Variants in MAP3K2 observed in about 807,000 individuals in gnomAD.
The protein encoded by MAP3K2 is MAP/ERK kinase kinase 2.
A neutral mutation model predicts 80.3 loss-of-function variants in MAP3K2; 24 were observed. The observed-to-expected ratio is 0.30, with a 90% CI of 0.22 to 0.42. The LOEUF is 0.42. Ranked by LOEUF, MAP3K2 falls within the 10% of genes least tolerant of loss-of-function variation. MAP3K2 has a pLI of 1.00. For missense variants in MAP3K2, 608 were observed against 750.1 expected, an observed-to-expected ratio of 0.81 and a Z score of 2.21; for synonymous variants, 244 against 253.7, an observed-to-expected ratio of 0.96 and a Z score of 0.36.
Position 127,322,742 on chromosome 2 carries a change from C to T in MAP3K2, c.839-490G>A, listed in dbSNP as rs1374709754. On this transcript the variant is annotated intron_variant, in intron 11 of 16. Coordinates refer to ENST00000682094, the MANE Select transcript of MAP3K2 (RefSeq NM_001371910.2). The surrounding 1 kb of genome is among the most constrained non-coding windows in gnomAD (Gnocchi z 4.2). The stretch of plus-strand genomic sequence containing the variant: ...CCAAGTAGCTGGGATTACAGGCGCC[C>T]ACCACCATGCCCAGCTAATTTTTTG... 6.6e-6 allele frequency among the ~76,000 whole-genome samples: 1 copy of T among 151,674 alleles called. No individual in the cohort carries two copies. The highest frequency in any genetic ancestry group is 1.5e-5 in the Non-Finnish European group (1 of 67,896).
At chr2:127,314,011 T>A (rs559783346) in intron 15 of MAP3K2, among the ~76,000 whole-genome samples, 2 of 152,282 alleles carry the variant, frequency 1.3e-5, no homozygotes, top group East Asian at 3.9e-4. Context: ...ATGTCTAAAT[T>A]TGGGGCCACA....
Position 127,307,759 on chromosome 2 carries a change from A to G in MAP3K2, c.1680T>C (p.Pro560=), listed in dbSNP as rs56350877. 2.1e-5 allele frequency: 33 copies of G among 1,596,722 alleles called. No homozygotes were observed. The East Asian group carries it at 7.0e-4, about 34-fold the overall frequency. ...TVVEMLTEKP[P]WAEFEAMAAI... ...CAGCCATTGCTTCAAATTCAGCCCA[A>G]GGCGGCTTTTCAGTTAGCATTTCTA... Residue 560 remains proline (P), a synonymous_variant, in exon 17 of 17, where the codon CCT becomes CCC. Coordinates refer to ENST00000682094, the MANE Select transcript of MAP3K2 (RefSeq NM_001371910.2). The surrounding 1 kb of genome is among the most constrained non-coding windows in gnomAD (Gnocchi z 5.4).
At chr2:127,309,175 C>A (rs974722422) in intron 15 of MAP3K2, among the ~76,000 whole-genome samples, 8 of 152,184 alleles carry the variant, frequency 5.3e-5, no homozygotes, top group Non-Finnish European at 1.2e-4. Context: ...TTCTCAGAAA[C>A]TTCCTTAGGG....
chr2:127,386,808 G>T (rs1687358973), intron 1 of MAP3K2, among the ~76,000 whole-genome samples: 1 of 152,102 alleles, frequency 6.6e-6, no homozygotes, highest in Non-Finnish European at 1.5e-5. Flanking sequence ...TTTTCTAAAC[G>T]TATTTATTTT....
intron 1 of MAP3K2, among the ~76,000 whole-genome samples, chr2:127,351,039 A>G (rs972631985): frequency 2.0e-5 from 3 of 152,208 alleles, no homozygotes; most frequent in Admixed American, 2.0e-4. Flanking sequence ...CTAAGAATTA[A>G]CTGCTCTGTA....
At chr2:127,381,157 G>A (rs898595984) in intron 1 of MAP3K2, among the ~76,000 whole-genome samples, 1 of 152,116 alleles carries the variant, frequency 6.6e-6, no homozygotes, top group Non-Finnish European at 1.5e-5. Flanking sequence ...ACACAGCCCA[G>A]CTCAAAAATT....
intron 1 of MAP3K2, among the ~76,000 whole-genome samples, chr2:127,357,006 A>C (rs1366266881): frequency 6.6e-6 from 1 of 152,222 alleles, no homozygotes; most frequent in Non-Finnish European, 1.5e-5. Context: ...AGAATCTACA[A>C]GGAATTCAGA....
At chr2:127,342,079 G>C (rs1189994636) in intron 2 of MAP3K2, among the ~76,000 whole-genome samples, 1 of 152,178 alleles carries the variant, frequency 6.6e-6, no homozygotes, top group Non-Finnish European at 1.5e-5. Context: ...CTATAGAGCA[G>C]TATTATTTGA....
intron 2 of MAP3K2, among the ~76,000 whole-genome samples, chr2:127,340,862 G>C (rs561911210): frequency 6.6e-6 from 1 of 152,004 alleles, no homozygotes; most frequent in African/African-American, 2.4e-5. Context: ...ATTTTTATTA[G>C]AAGAAACCTA....
rs1304480081 is a variant in MAP3K2, at chr2:127,364,062, C to G, written c.-65-20868G>C. Among the ~76,000 whole-genome samples, 1 of 152,166 alleles carries G rather than the reference C, an allele frequency of 6.6e-6. No individual in the cohort carries two copies. Among genetic ancestry groups the G allele is most frequent in the East Asian group, 1.9e-4 (1 of 5,200 alleles). On this transcript the variant is annotated intron_variant, in intron 1 of 16. Transcript: ENST00000682094. The surrounding 1 kb of genome is among the most constrained non-coding windows in gnomAD (Gnocchi z 4.1). ...TTAAATAAATTGCAAATTTGACTCT[C>G]CTTACAACCATAACATAATATAGCA... is the stretch of plus-strand genomic sequence containing the variant.
intron 1 of MAP3K2, among the ~76,000 whole-genome samples, chr2:127,384,469 G>C (rs942038753): frequency 2.0e-5 from 3 of 152,038 alleles, no homozygotes; most frequent in African/African-American, 7.3e-5. Flanking sequence ...ATTCATGGGA[G>C]GAGGTCAAAA....
intron 1 of MAP3K2, among the ~76,000 whole-genome samples, chr2:127,384,577 G>A (rs1235840251): frequency 6.6e-6 from 1 of 152,174 alleles, no homozygotes; most frequent in Non-Finnish European, 1.5e-5. Context: ...CTGTAGATGT[G>A]ACGGAAAGAG....
intron 4 of MAP3K2, among the ~76,000 whole-genome samples, chr2:127,336,477 A>G (rs17015199): frequency 0.38 from 57,250 of 152,022 alleles, 11,500 homozygotes; most frequent in East Asian, 0.62. Context: ...TTTTCTTTCT[A>G]CTTCCCAAAG....
At chr2:127,374,238 G>T (rs749141670) in intron 1 of MAP3K2, among the ~76,000 whole-genome samples, 1 of 152,058 alleles carries the variant, frequency 6.6e-6, no homozygotes, top group Non-Finnish European at 1.5e-5. Flanking sequence ...ACTTTGAGAC[G>T]GCCTTCATTA....
intron 4 of MAP3K2, among the ~76,000 whole-genome samples, chr2:127,337,262 A>C (rs1267054434): frequency 6.6e-6 from 1 of 152,160 alleles, no homozygotes; most frequent in African/African-American, 2.4e-5. Context: ...CTAGGTTTAC[A>C]TCTCTGCTAA....
At chr2:127,341,011 A>G (rs1329880019) in intron 2 of MAP3K2, among the ~76,000 whole-genome samples, 1 of 151,906 alleles carries the variant, frequency 6.6e-6, no homozygotes, top group East Asian at 1.9e-4. Context: ...GCAAGGGGAG[A>G]TGGATTCTCG....
chr2:127,313,529 G>A (rs1163218326), intron 15 of MAP3K2, among the ~76,000 whole-genome samples: 3 of 152,110 alleles, frequency 2.0e-5, no homozygotes, highest in African/African-American at 7.2e-5. Context: ...TAATTAGGAC[G>A]TGCCACACCT....
intron 15 of MAP3K2, among the ~76,000 whole-genome samples, chr2:127,312,636 G>C (rs1321965125): frequency 2.0e-5 from 3 of 152,048 alleles, no homozygotes; most frequent in African/African-American, 7.2e-5. Context: ...ACTCTAGCCT[G>C]GGTGACAGAG....
intron 1 of MAP3K2, among the ~76,000 whole-genome samples, chr2:127,381,107 T>C (rs894370082): frequency 2.6e-5 from 4 of 152,184 alleles, no homozygotes; most frequent in African/African-American, 9.7e-5. Flanking sequence ...GCTAAAGGGA[T>C]TCTCCTGCCT....
Sources: gnomAD v4.1 joint callset for allele counts (sites outside exome capture counted in the v4.1 genomes callset) on GRCh38, gnomAD v4.1.1 for gene constraint, Gnocchi (gnomAD v3.1) non-coding constraint, MANE v1.5 for transcripts, NCBI Gene and HGNC (gene_info 2026-07-23, HGNC 2026-07-21) for gene names.